The following FABP6 variants were observed in gnomAD, a reference collection of about 807,000 sequenced individuals.
FABP6 encodes gastrotropin.
In FABP6, 13 loss-of-function variants were observed where a neutral mutation model predicts 14.9. That is an observed-to-expected ratio of 0.87 (90% CI 0.57 to 1.39). FABP6 has a LOEUF of 1.39. Among genes scored for constraint, FABP6 ranks in the 40% most tolerant of loss-of-function variants. FABP6 has a pLI of 0.00. For missense variants in FABP6, 161 were observed against 167.2 expected (o/e 0.96, Z 0.20); for synonymous variants, 75 against 63.6 (o/e 1.18, Z -0.85).
At chr5:160,217,741 A>G (rs1237707753) in intron 3 of FABP6, among the ~76,000 whole-genome samples, 1 of 152,120 alleles carries the variant, frequency 6.6e-6, no homozygotes, top group African/African-American at 2.4e-5. Flanking sequence ...CGCTCAAGTG[A>G]TCTTCCCACC....
chr5:160,204,310 C>A (rs112503188), intron 2 of FABP6, among the ~76,000 whole-genome samples: 3 of 151,944 alleles, frequency 2.0e-5, no homozygotes, highest in African/African-American at 7.3e-5. Context: ...GAGTGAGACT[C>A]CCCATCTCTA....
chr5:160,188,686 C>T (rs1361232899), intron 1 of FABP6, among the ~76,000 whole-genome samples: 2 of 152,256 alleles, frequency 1.3e-5, no homozygotes, highest in Non-Finnish European at 2.9e-5. Flanking sequence ...AGCGCCGGGA[C>T]CGGGCTGTTA....
chr5:160,219,399 G>C (rs1262485220), intron 3 of FABP6, among the ~76,000 whole-genome samples: 1 of 152,156 alleles, frequency 6.6e-6, no homozygotes, highest in Non-Finnish European at 1.5e-5. Context: ...TGTTCTATTG[G>C]TTCTATTGCC....
chr5:160,215,822 T>G (rs1437572746), intron 3 of FABP6, among the ~76,000 whole-genome samples: 1 of 151,916 alleles, frequency 6.6e-6, no homozygotes, highest in Non-Finnish European at 1.5e-5. Context: ...AGGAATGGGG[T>G]GGGATTCATC....
intron 3 of FABP6, among the ~76,000 whole-genome samples, chr5:160,220,835 C>A (rs1395155445): frequency 6.6e-6 from 1 of 151,978 alleles, no homozygotes; most frequent in Non-Finnish European, 1.5e-5. Flanking sequence ...CGCCTGTAAT[C>A]CCAGCAGTTT....
intron 3 of FABP6, among the ~76,000 whole-genome samples, chr5:160,216,556 C>T (rs1479008038): frequency 2.6e-5 from 4 of 152,162 alleles, no homozygotes; most frequent in Admixed American, 6.5e-5. Context: ...GCATGAGCCA[C>T]CGTGCCTGCC....
At chr5:160,188,664 G>A (rs1312488501) in intron 1 of FABP6, among the ~76,000 whole-genome samples, 1 of 152,226 alleles carries the variant, frequency 6.6e-6, no homozygotes, top group Non-Finnish European at 1.5e-5. Context: ...TTCTCCCTGC[G>A]GAGAAGGAGG....
intron 2 of FABP6, among the ~76,000 whole-genome samples, 174 bp from the exon 3 acceptor site, chr5:160,234,646 C>T (rs573253251): frequency 1.3e-5 from 2 of 152,162 alleles, no homozygotes; most frequent in Admixed American, 1.3e-4. Flanking sequence ...AGGCTGGTCT[C>T]GAACTCCTGA....
chr5:160,217,572 G>A (rs954154676), intron 3 of FABP6, among the ~76,000 whole-genome samples: 5 of 151,998 alleles, frequency 3.3e-5, no homozygotes, highest in Admixed American at 6.6e-5. Flanking sequence ...CAGGTGCTGC[G>A]AAAAGTACTT....
chr5:160,203,204 A>C (rs1484873189), intron 2 of FABP6, among the ~76,000 whole-genome samples: 1 of 152,194 alleles, frequency 6.6e-6, no homozygotes, highest in African/African-American at 2.4e-5. Context: ...GCCCTGCCAG[A>C]AGCTGGGCTT....
chr5:160,229,679 T>A (rs1448557549), intron 1 of FABP6, 55 bp downstream of exon 1: 7 of 1,531,248 alleles, frequency 4.6e-6, no homozygotes, highest in Non-Finnish European at 6.3e-6. Context: ...CAGCCAGCTC[T>A]GGGCCAGGAA....
intron 3 of FABP6, among the ~76,000 whole-genome samples, chr5:160,221,816 C>T (rs1328088897): frequency 2.0e-5 from 3 of 152,092 alleles, no homozygotes; most frequent in African/African-American, 2.4e-5. Flanking sequence ...CTCCGAATTT[C>T]ATTTTGGTTA....
At position 160,194,390 on chromosome 5, in the gene FABP6, C is replaced by T. The variant is rs192456709; in HGVS notation, c.-58-4659C>T. On this transcript the variant is annotated intron_variant, in intron 1 of 6. Coordinates refer to the FABP6 transcript ENST00000393980. ...GTGGGCTGAAGGGCTCCTCAAGTGC[C>T]GCCAAAGTGGGAGCCCAGGCAGAGG... 2.2e-3 allele frequency among the ~76,000 whole-genome samples: 330 copies of T among 152,250 alleles called. 2 individuals are homozygous for T. Among genetic ancestry groups the T allele is most frequent in the Non-Finnish European group, 3.7e-3 (253 of 68,016 alleles).
At chr5:160,204,203 G>T in intron 2 of FABP6, among the ~76,000 whole-genome samples, 1 of 151,372 alleles carries the variant, frequency 6.6e-6, no homozygotes, top group Middle Eastern at 3.2e-3. Context: ...TAGTCCTGTA[G>T]TCTTAGCTAC....
intron 1 of FABP6, among the ~76,000 whole-genome samples, chr5:160,192,927 C>A (rs1759427077): frequency 6.6e-6 from 1 of 152,192 alleles, no homozygotes; most frequent in Non-Finnish European, 1.5e-5. Context: ...GCCTGAGCAA[C>A]ATAGTGAGAC....
chr5:160,193,976 A>G (rs2112592), intron 1 of FABP6, among the ~76,000 whole-genome samples: 140,376 of 152,306 alleles, frequency 0.92, 64,875 homozygotes, highest in African/African-American at 0.97. Context: ...CTCGGGCTGC[A>G]CAGGTGCCCA....
chr5:160,204,229 A>G (rs896551442), intron 2 of FABP6, among the ~76,000 whole-genome samples: 1 of 151,940 alleles, frequency 6.6e-6, no homozygotes, highest in African/African-American at 2.4e-5. Context: ...AGGCAGAAGC[A>G]TTGCTTGAAC....
intron 3 of FABP6, among the ~76,000 whole-genome samples, chr5:160,216,411 G>T (rs559604906): frequency 2.4e-4 from 36 of 152,096 alleles, no homozygotes; most frequent in Non-Finnish European, 5.1e-4. Context: ...GGGATTACAG[G>T]CACGTGCCAC....
intron 3 of FABP6, among the ~76,000 whole-genome samples, chr5:160,218,841 C>T (rs1344349585): frequency 6.6e-6 from 1 of 151,674 alleles, no homozygotes; most frequent in Non-Finnish European, 1.5e-5. Context: ...TCACTGTAGC[C>T]TCAAACTCCT....
Sources: allele counts gnomAD v4.1 joint callset (sites outside exome capture counted in the v4.1 genomes callset), GRCh38; gene constraint gnomAD v4.1.1; transcripts MANE v1.5; gene names NCBI Gene and HGNC (gene_info 2026-07-23, HGNC 2026-07-21).